Variants in PSG9 observed in about 807,000 individuals in gnomAD.
The protein encoded by PSG9 is pregnancy-specific beta-1-glycoprotein 9.
A neutral mutation model predicts 41.9 loss-of-function variants in PSG9; 49 were observed. The observed-to-expected ratio is 1.17, with a 90% CI of 0.93 to 1.48. The LOEUF (loss-of-function observed/expected upper bound fraction) is 1.48, where lower values mean the gene tolerates loss of function less well. Among genes scored for constraint, PSG9 ranks in the 40% most tolerant of loss-of-function variants. PSG9 has a pLI of 0.00. For synonymous variants in PSG9, 263 were observed against 196.8 expected (o/e 1.34, Z -2.82); for missense variants, 641 against 520.3 (o/e 1.23, Z -2.26).
chr19:43,257,931 C>G lies in PSG9; in HGVS notation c.1243+271G>C, dbSNP rs1063017. ...TGAGGACTCTCCTTCTTGTCCCTCT[C>G]TGAAGCCTCTTCTACCACATAGGGC... On this transcript the variant is annotated intron_variant, in intron 5 of 5. Coordinates refer to ENST00000270077, the MANE Select transcript of PSG9 (RefSeq NM_002784.5). The G allele has an allele frequency of 8.4e-4, 1,190 of 1,420,532 alleles. 77 individuals carry two copies. Among genetic ancestry groups the G allele is most frequent in the Middle Eastern group, 4.2e-3 (16 of 3,816 alleles). 88.0% of individuals were successfully genotyped at this position (1,420,532 alleles called of 1,614,324 possible). A position where few individuals can be genotyped will look rare whatever the true frequency, so the allele number is the denominator to read the frequency against.
At position 43,266,032 on chromosome 19, in the gene PSG9, G is replaced by A. The variant is rs552516734; in HGVS notation, c.430+1752C>T. Among the ~76,000 whole-genome samples the A allele has an allele frequency of 2.0e-5, 3 of 151,974 alleles. No individual in the cohort carries two copies. The South Asian group carries it at 6.3e-4, about 32-fold the overall frequency. On this transcript the variant is annotated intron_variant, in intron 2 of 5. Transcript: ENST00000270077. Reference sequence around the variant, plus strand: ...GTCTGGGGAAGGCCTAGGGGTGGGGGAAGAAGCTGTGCAGGACAGGGCTTG... The same window carrying A: ...GTCTGGGGAAGGCCTAGGGGTGGGGAAAGAAGCTGTGCAGGACAGGGCTTG...
intron 5 of PSG9, 69 bp downstream of exon 5, chr19:43,258,133 G>C (rs1063004): frequency 1.3e-6 from 2 of 1,591,198 alleles, no homozygotes; most frequent in Admixed American, 1.7e-5. Flanking sequence ...ATGTTTTCCT[G>C]ACTCTTCTCT....
chr19:43,261,256 G>C (rs1445800591), intron 3 of PSG9, among the ~76,000 whole-genome samples: 2 of 140,696 alleles, frequency 1.4e-5, no homozygotes, highest in East Asian at 4.5e-4. Context: ...CAGTGGCTGA[G>C]TTATGGATGA....
At chr19:43,266,374 G>T (rs919350988) in intron 2 of PSG9, among the ~76,000 whole-genome samples, 7 of 151,808 alleles carry the variant, frequency 4.6e-5, no homozygotes, top group African/African-American at 1.5e-4. Flanking sequence ...TCTCTAAAGA[G>T]GTTTTGGATC....
intron 5 of PSG9, chr19:43,257,589 G>C (rs939516562): frequency 3.2e-5 from 32 of 985,960 alleles, no homozygotes; most frequent in Non-Finnish European, 3.7e-5. Flanking sequence ...AGCCTGGCCC[G>C]GGGGAGGCTT....
intron 5 of PSG9, among the ~76,000 whole-genome samples, chr19:43,256,610 G>A (rs1599815973): frequency 6.8e-6 from 1 of 146,472 alleles, no homozygotes; most frequent in East Asian, 2.4e-4. Context: ...ACGAATACCT[G>A]GAGATATGCA....
Position 43,269,403 on chromosome 19 carries a change from G to C in PSG9, c.29C>G (p.Thr10Arg), listed in dbSNP as rs745826676. ...GAGCCCCTTCCAGGTGATGCGCTGT[G>C]TGCAGGAAGGGGCTGGGAGGGGCCC... MGPLPAPSC[T>R]QRITWKGLLL... is the part of the protein sequence containing the mutation. Residue 10 changes from threonine to arginine, a missense_variant, in exon 1 of 6, where the codon ACA becomes AGA. By Grantham distance (71) the Thr-to-Arg change is moderately conservative (BLOSUM62 -1). Coordinates refer to ENST00000270077, the MANE Select transcript of PSG9 (RefSeq NM_002784.5). 5.6e-6 allele frequency: 9 copies of C among 1,613,586 alleles called. No homozygotes were observed. The highest frequency in any genetic ancestry group is 7.6e-6 in the Non-Finnish European group (9 of 1,179,734).
chr19:43,253,312 C>A lies in PSG9; in HGVS notation c.*297G>T. On this transcript the variant is annotated 3_prime_UTR_variant, in exon 6 of 6. Coordinates refer to ENST00000270077, the MANE Select transcript of PSG9 (RefSeq NM_002784.5). ...GAACATGTGCAAATAACTTTATTAC[C>A]ATAAACCTATGAATACTCATGAATA... 4.0e-6 allele frequency: 1 copy of A among 248,542 alleles called. No homozygotes were observed. Among genetic ancestry groups the A allele is most frequent in the Non-Finnish European group, 7.4e-6 (1 of 134,358 alleles). 15.4% of individuals were successfully genotyped at this position (248,542 alleles called of 1,614,324 possible).
chr19:43,258,808 T>C, intron 4 of PSG9, 49 bp downstream of exon 4: 1 of 1,542,792 alleles, frequency 6.5e-7, no homozygotes, highest in Non-Finnish European at 8.7e-7. Context: ...ATCTGGTCGT[T>C]TGGACTTAAG....
At chr19:43,265,307 C>A (rs2122549976) in intron 2 of PSG9, among the ~76,000 whole-genome samples, 1 of 152,198 alleles carries the variant, frequency 6.6e-6, no homozygotes, top group Admixed American at 6.5e-5. Flanking sequence ...TGTCATTTGG[C>A]AAGAGTTTAC....
In PSG9 at chr19:43,258,193, T is replaced by A; in HGVS notation, c.1243+9A>T. ...AACCCTACTGCCAAGGATGCTGGGATCCACTTACCAGAGACTTTGACTGTC... is the reference window on the plus strand; with the variant it reads ...AACCCTACTGCCAAGGATGCTGGGAACCACTTACCAGAGACTTTGACTGTC... On this transcript the variant is annotated intron_variant, in intron 5 of 5. Transcript: ENST00000270077. The A allele has an allele frequency of 6.3e-7, 1 of 1,592,672 alleles. No homozygotes were observed. The highest frequency in any genetic ancestry group is 8.5e-7 in the Non-Finnish European group (1 of 1,174,450).
intron 2 of PSG9, among the ~76,000 whole-genome samples, chr19:43,267,538 C>T (rs548054778): frequency 6.6e-6 from 1 of 152,252 alleles, no homozygotes; most frequent in African/African-American, 2.4e-5. Flanking sequence ...TCTCCTCCTG[C>T]TGAGTCCCCC....
rs752244374 is a variant in PSG9, at chr19:43,258,899, A to C, written c.946T>G (p.Tyr316Asp). 43 of 1,588,218 alleles carry C rather than the reference A, an allele frequency of 2.7e-5. 2 individuals carry two copies. Among genetic ancestry groups the C allele is most frequent in the Middle Eastern group, 2.2e-4 (1 of 4,524 alleles). The change falls in exon 4 of 6, where the codon TAT becomes GAT. Residue 316 changes from tyrosine to aspartate, a missense_variant. By Grantham distance (160) the Tyr-to-Asp change is radical. Transcript: ENST00000270077. ...GPYQCEIRDR[Y>D]GGLRSNPVIL... The stretch of plus-strand genomic sequence containing the variant: ...ACTGGGTTACTGCGGAGGCCACCAT[A>C]TCGGTCCCGTATTTCACATTGATAG...
rs766415530 is a variant in PSG9 at position 43,258,887 on chromosome 19, G to A, written c.958C>T (p.Arg320Cys). 13 of 1,586,564 alleles carry A rather than the reference G, an allele frequency of 8.2e-6. 1 individual carries two copies. Among genetic ancestry groups the A allele is most frequent in the South Asian group, 2.2e-5 (2 of 89,730 alleles). Reference protein sequence around the residue: ...CEIRDRYGGLRSNPVILNVLY... With the variant: ...CEIRDRYGGLCSNPVILNVLY... ...ACATTTAGGATGACTGGGTTACTGC[G>A]GAGGCCACCATATCGGTCCCGTATT... Residue 320 changes from arginine to cysteine, a missense_variant, in exon 4 of 6, where the codon CGC (arginine) becomes TGC (cysteine). Arg to Cys is a radical substitution (Grantham distance 180, BLOSUM62 -3). Coordinates refer to ENST00000270077, the MANE Select transcript of PSG9 (RefSeq NM_002784.5).
At chr19:43,261,662 C>A (rs541508201) in intron 3 of PSG9, among the ~76,000 whole-genome samples, 198 bp downstream of exon 3, 1 of 152,258 alleles carries the variant, frequency 6.6e-6, no homozygotes, top group East Asian at 1.9e-4. Context: ...TCTCCCATGA[C>A]ACAGCAGCCT....
rs539508078 is a variant in PSG9, at chr19:43,269,502, G to C, written c.-71C>G. ...ATCCAGAAGCTGTCTGAGCACGGCTGTCAGCTGTGCTGTCCTTCCTCCTTC... is the reference window on the plus strand; with the variant it reads ...ATCCAGAAGCTGTCTGAGCACGGCTCTCAGCTGTGCTGTCCTTCCTCCTTC... On this transcript the variant is annotated 5_prime_UTR_variant, in exon 1 of 6. Transcript: ENST00000270077. 10 of 1,596,812 alleles carry C rather than the reference G, an allele frequency of 6.3e-6. No homozygotes were observed. The East Asian group carries it at 1.1e-4, about 18-fold the overall frequency.
At chr19:43,261,721 G>A (rs1968722525) in intron 3 of PSG9, 139 bp downstream of exon 3, 1 of 1,599,578 alleles carries the variant, frequency 6.3e-7, no homozygotes, top group African/African-American at 1.3e-5. Context: ...GTTTGCTTGG[G>A]GCAGAAAGTC....
chr19:43,266,302 G>T (rs1386119865), intron 2 of PSG9, among the ~76,000 whole-genome samples: 2 of 152,050 alleles, frequency 1.3e-5, no homozygotes, highest in African/African-American at 4.8e-5. Flanking sequence ...GTGGGTGTCA[G>T]CCTCTGAAGG....
intron 2 of PSG9, among the ~76,000 whole-genome samples, chr19:43,262,500 C>T (rs1056167649): frequency 2.2e-4 from 33 of 152,262 alleles, no homozygotes; most frequent in African/African-American, 7.2e-4. Context: ...TGCTGGAATC[C>T]TCTTAGTTTC....
Sources: allele counts gnomAD v4.1 joint callset (sites outside exome capture counted in the v4.1 genomes callset), GRCh38; gene constraint gnomAD v4.1.1; transcripts MANE v1.5; gene names NCBI Gene and HGNC (gene_info 2026-07-23, HGNC 2026-07-21).